Variants in TMEM201 observed in about 807,000 individuals in gnomAD.
The protein encoded by TMEM201 is RP13-15M17.2.
In TMEM201, 26 loss-of-function variants were observed where a neutral mutation model predicts 63.4. That is an observed-to-expected ratio of 0.41 (90% CI 0.30 to 0.57). TMEM201 has a LOEUF of 0.57. TMEM201 is among the 20% of genes least tolerant of loss of function. The probability of loss-of-function intolerance (pLI) is 0.29; values close to 1 mark genes in which losing one functional copy is unlikely to be tolerated. For synonymous variants in TMEM201, 417 were observed against 421.6 expected (o/e 0.99, Z 0.14); for missense variants, 794 against 917.7 (o/e 0.87, Z 1.74).
rs1210314387 is a variant in TMEM201, at chr1:9,608,635, C to T, written c.1393+846C>T. On this transcript the variant is annotated intron_variant, in intron 7 of 10. Coordinates refer to ENST00000340381, the MANE Select transcript of TMEM201 (RefSeq NM_001130924.3). This position sits in a 1 kb window ranked among gnomAD's most constrained non-coding sequence, Gnocchi z 4.3. ...AGCCCTGCCCTGGGCCTGAGCACTC[C>T]GAGTAAACTCTGTGCGCACTGACCA... 2.6e-5 allele frequency among the ~76,000 whole-genome samples: 4 copies of T among 152,202 alleles called. No homozygotes were observed. The highest frequency in any genetic ancestry group is 5.9e-5 in the Non-Finnish European group (4 of 68,038).
Position 9,610,758 on chromosome 1 carries a change from C to G in TMEM201, c.1718C>G (p.Pro573Arg). ...GGCAGCCTCTTCACCATGGAGCCGCCCCATGTTCCCCGGAAGCCGCCCCTG... is the reference window on the plus strand; with the variant it reads ...GGCAGCCTCTTCACCATGGAGCCGCGCCATGTTCCCCGGAAGCCGCCCCTG... The part of the protein sequence containing the change: ...HNGSLFTMEP[P>R]HVPRKPPLQD... The change falls in exon 9 of 11, where the codon CCC becomes CGC. Residue 573 changes from proline to arginine, a missense_variant. Transcript: ENST00000340381. The surrounding 1 kb of genome is among the most constrained non-coding windows in gnomAD (Gnocchi z 4.9). 2 of 1,548,728 alleles carry G rather than the reference C, an allele frequency of 1.3e-6. No individual in the cohort carries two copies. The highest frequency in any genetic ancestry group is 2.4e-5 in the South Asian group (2 of 84,004).
chr1:9,611,171 T>A, intron 9 of TMEM201: 1 of 746,128 alleles, frequency 1.3e-6, no homozygotes, highest in Non-Finnish European at 1.9e-6. Context: ...CCTACAACTT[T>A]CAACTTTCAC....
intron 4 of TMEM201, among the ~76,000 whole-genome samples, chr1:9,598,948 CT>C (rs1244673235): frequency 1.1e-3 from 163 of 145,082 alleles, no homozygotes; most frequent in Middle Eastern, 7.0e-3. Flanking sequence ...TGCACCCGTC[CT>C]TTTTTTTTTT....
chr1:9,598,689 G>A (rs1460072165), intron 4 of TMEM201, 64 bp downstream of exon 4: 1 of 1,540,592 alleles, frequency 6.5e-7, no homozygotes, highest in African/African-American at 1.4e-5. Context: ...ACCCTCCCAG[G>A]AGGCTGGGCA....
At chr1:9,597,344 C>T (rs995474843) in intron 3 of TMEM201, among the ~76,000 whole-genome samples, 1 of 152,216 alleles carries the variant, frequency 6.6e-6, no homozygotes, top group African/African-American at 2.4e-5. Context: ...AACCCCAGCA[C>T]CTGCCAGTCC....
chr1:9,597,635 G>A (rs1305831329), intron 3 of TMEM201, among the ~76,000 whole-genome samples: 7 of 152,180 alleles, frequency 4.6e-5, no homozygotes, highest in Non-Finnish European at 8.8e-5. Flanking sequence ...GCTCCTTCCT[G>A]CCCTCGGCCA....
intron 2 of TMEM201, 78 bp from the exon 3 acceptor site, chr1:9,596,781 G>T: frequency 6.9e-7 from 1 of 1,444,206 alleles, no homozygotes; most frequent in Non-Finnish European, 9.4e-7. Flanking sequence ...CTGGAGCGGG[G>T]CGGGCCCCCA....
Position 9,602,150 on chromosome 1 carries a change from C to A in TMEM201, c.1038C>A (p.Ala346=). The A allele has an allele frequency of 1.9e-6, 3 of 1,613,112 alleles. No individual in the cohort carries two copies. The highest frequency in any genetic ancestry group is 2.5e-6 in the Non-Finnish European group (3 of 1,180,024). Reference sequence around the variant, plus strand: ...ACCTGGCTGAGCAGCACCTGCAGGCCGCCTCGCCTAGCTGGCTAGACACGC... The same window carrying A: ...ACCTGGCTGAGCAGCACCTGCAGGCAGCCTCGCCTAGCTGGCTAGACACGC... ...GLHLAEQHLQ[A]ASPSWLDTLK... The change falls in exon 6 of 11, where the codon GCC becomes GCA. Residue 346 remains alanine, a synonymous_variant. Transcript: ENST00000340381.
Position 9,610,928 on chromosome 1 carries a change from G to T in TMEM201, c.1765+123G>T. The stretch of plus-strand genomic sequence containing the variant: ...CCGGTGTGCGCCTTCCCACCCTGGA[G>T]CTCTAGGCACCCCATTCCGGCTCTG... On this transcript the variant is annotated intron_variant, in intron 9 of 10. Transcript: ENST00000340381. This position sits in a 1 kb window ranked among gnomAD's most constrained non-coding sequence, Gnocchi z 4.9. 1 of 1,494,056 alleles carries T rather than the reference G, an allele frequency of 6.7e-7. No individual in the cohort carries two copies. The highest frequency in any genetic ancestry group is 9.0e-7 in the Non-Finnish European group (1 of 1,116,272). The allele number at this position is 1,494,056 out of a possible 1,614,324, so 92.5% of individuals were successfully genotyped here.
chr1:9,611,272 A>G (rs1644320673), intron 9 of TMEM201, among the ~76,000 whole-genome samples: 1 of 148,794 alleles, frequency 6.7e-6, no homozygotes, highest in African/African-American at 2.5e-5. Flanking sequence ...ATCTTGGCTC[A>G]CTGCAACCTC....
chr1:9,591,927 G>A (rs570002140), intron 1 of TMEM201, among the ~76,000 whole-genome samples: 75 of 152,340 alleles, frequency 4.9e-4, no homozygotes, highest in Admixed American at 3.9e-3. Context: ...ATTGGCCTCT[G>A]TCCTGTGGTA....
chr1:9,591,454 G>T (rs906068083), intron 1 of TMEM201, among the ~76,000 whole-genome samples: 1 of 152,250 alleles, frequency 6.6e-6, no homozygotes, highest in Non-Finnish European at 1.5e-5. Flanking sequence ...ACAGTTGGGG[G>T]GCAGATGCCC....
chr1:9,600,073 G>GA (rs1644107252), intron 4 of TMEM201, among the ~76,000 whole-genome samples: 1 of 152,144 alleles, frequency 6.6e-6, no homozygotes, highest in Admixed American at 6.5e-5. Context: ...TGGCAGGGCA[G>GA]AGGTAGCACG....
chr1:9,612,521 T>G (rs4378250), intron 10 of TMEM201, among the ~76,000 whole-genome samples: 4,486 of 152,318 alleles, frequency 0.029, 109 homozygotes, highest in South Asian at 0.047. Context: ...GCACTGACTC[T>G]CAAAGCCAGT....
rs899408422 is a variant in TMEM201 at position 9,603,295 on chromosome 1, C to G, written c.1160+1023C>G. ...GCCATCTATGAAATGAGGTGGACCC[C>G]TCTCCATAGCCCTTGGGTGCCAGCT... On this transcript the variant is annotated intron_variant, in intron 6 of 10. Coordinates refer to ENST00000340381, the MANE Select transcript of TMEM201 (RefSeq NM_001130924.3). This position sits in a 1 kb window ranked among gnomAD's most constrained non-coding sequence, Gnocchi z 4.5. The G allele has an allele frequency of 1.0e-6, 1 of 984,736 alleles. No individual in the cohort carries two copies. The highest frequency in any genetic ancestry group is 6.1e-5 in the Admixed American group (1 of 16,276). The allele number at this position is 984,736 out of a possible 1,614,324, so 61.0% of individuals were successfully genotyped here. A position where few individuals can be genotyped will look rare whatever the true frequency, so the allele number is the denominator to read the frequency against.
At chr1:9,592,524 C>A (rs1472932556) in intron 1 of TMEM201, among the ~76,000 whole-genome samples, 4 of 152,164 alleles carry the variant, frequency 2.6e-5, no homozygotes, top group Non-Finnish European at 5.9e-5. Context: ...AGCAGGTTCC[C>A]CCTACCTGGT....
At position 9,611,778 on chromosome 1, in the gene TMEM201, C is replaced by A; in HGVS notation, c.1791C>A (p.Gly597=). The A allele has an allele frequency of 6.4e-7, 1 of 1,551,326 alleles. No individual in the cohort carries two copies. Among genetic ancestry groups the A allele is most frequent in the Non-Finnish European group, 8.7e-7 (1 of 1,147,054 alleles). ...ACCTGAGATCCAAGCTGGAAAGAGG[C>A]AGTGCCTGCAGCAACCGCTCCATCA... ...ALDLRSKLER[G]SACSNRSIKK... The change falls in exon 10 of 11, where the codon GGC becomes GGA. Residue 597 remains glycine, a synonymous_variant. Coordinates refer to ENST00000340381, the MANE Select transcript of TMEM201 (RefSeq NM_001130924.3).
At position 9,608,020 on chromosome 1, in the gene TMEM201, T is replaced by G. The variant is rs1273033463; in HGVS notation, c.1393+231T>G. ...TAGGAGGCCAAGGTGGGAGGATGGCTTGAGGCTAGGAGTTCAAGACCAGCC... is the reference window on the plus strand; with the variant it reads ...TAGGAGGCCAAGGTGGGAGGATGGCGTGAGGCTAGGAGTTCAAGACCAGCC... On this transcript the variant is annotated intron_variant, in intron 7 of 10. Transcript: ENST00000340381. This position sits in a 1 kb window ranked among gnomAD's most constrained non-coding sequence, Gnocchi z 4.3. Among the ~76,000 whole-genome samples, 1 of 152,164 alleles carries G rather than the reference T, an allele frequency of 6.6e-6. No individual in the cohort carries two copies. Among genetic ancestry groups the G allele is most frequent in the Non-Finnish European group, 1.5e-5 (1 of 68,012 alleles).
At chr1:9,597,125 C>A (rs1329691869) in intron 3 of TMEM201, 72 bp downstream of exon 3, 1 of 1,503,506 alleles carries the variant, frequency 6.7e-7, no homozygotes, top group Non-Finnish European at 9.0e-7. Context: ...GGGACAGGCA[C>A]GTGCAGGGTG....
Sources: allele counts gnomAD v4.1 joint callset (sites outside exome capture counted in the v4.1 genomes callset), GRCh38; gene constraint gnomAD v4.1.1; non-coding constraint Gnocchi (gnomAD v3.1); transcripts MANE v1.5; gene names NCBI Gene and HGNC (gene_info 2026-07-23, HGNC 2026-07-21).